The following KRT15 variants were observed in gnomAD, a reference collection of about 807,000 sequenced individuals.
KRT15 encodes keratin, type I cytoskeletal 15.
KRT15 carries 45 observed loss-of-function variants against 46.6 expected under a neutral mutation model. That is an observed-to-expected ratio of 0.97 (90% CI 0.76 to 1.24). The LOEUF is 1.24. Among genes scored for constraint, KRT15 ranks in the 50% most tolerant of loss-of-function variants. The pLI, the probability that KRT15 is intolerant of heterozygous loss-of-function variation, is 0.00. For synonymous variants in KRT15, 221 were observed against 233.8 expected, an observed-to-expected ratio of 0.95 and a Z score of 0.50; for missense variants, 592 against 588.9, an observed-to-expected ratio of 1.01 and a Z score of -0.05.
At chr17:41,514,937 GC>G (rs1342548963) in intron 6 of KRT15, 1 of 389,636 alleles carries the variant, frequency 2.6e-6, no homozygotes, top group Admixed American at 4.2e-5. Flanking sequence ...CACGATCTCA[GC>G]CCACTGAAAC....
chr17:41,515,244 C>T (rs1905295225), intron 6 of KRT15: 1 of 574,726 alleles, frequency 1.7e-6, no homozygotes, highest in African/African-American at 1.9e-5. Flanking sequence ...ACCACTAGCC[C>T]AGCCTCTATC....
Position 41,518,566 on chromosome 17 carries a change from C to T in KRT15, c.262G>A (p.Gly88Ser). The change falls in exon 1 of 8, where the codon GGT becomes AGT. Residue 88 changes from glycine to serine, a missense_variant. Gly to Ser is a moderately conservative substitution (Grantham distance 56). Coordinates refer to ENST00000254043, the MANE Select transcript of KRT15 (RefSeq NM_002275.4). ...GGGFGGGVGG[G>S]FGGGFGGGDG... ...CCACCACCAAAGCCACCACCAAAAC[C>T]CCCACCAACGCCCCCTCCAAAGCCT... 1 of 1,613,762 alleles carries T rather than the reference C, an allele frequency of 6.2e-7. No homozygotes were observed. Among genetic ancestry groups the T allele is most frequent in the Non-Finnish European group, 8.5e-7 (1 of 1,179,960 alleles).
chr17:41,515,413 C>G (rs1376842678), intron 6 of KRT15, 59 bp downstream of exon 6: 7 of 1,466,814 alleles, frequency 4.8e-6, no homozygotes, highest in Non-Finnish European at 6.6e-6. Flanking sequence ...CTTAGGATGA[C>G]CCTGCACCCT....
chr17:41,515,391 C>T, intron 6 of KRT15, 81 bp downstream of exon 6: 2 of 1,235,062 alleles, frequency 1.6e-6, no homozygotes, highest in Non-Finnish European at 2.3e-6. Context: ...CTTAGGGACA[C>T]CCTGCCATTC....
At position 41,518,530 on chromosome 17, in the gene KRT15, GACCACCATCGCC is replaced by G. The variant is rs1567719752; in HGVS notation, c.286_297del (p.Gly96_Gly99del). ...GTAATTTTCTCATTGCCAGAGAGGA[GACCACCATCGCC>G]ACCACCAAAGCCACCACCAAAACCC... On this transcript the variant is annotated inframe_deletion, in exon 1 of 8. Transcript: ENST00000254043. The G allele has an allele frequency of 5.0e-6, 8 of 1,613,914 alleles. No individual in the cohort carries two copies. In the South Asian group the frequency reaches 8.8e-5, roughly 18 times the overall value.
In KRT15 at chr17:41,516,274, T is replaced by C; in HGVS notation, c.739-9A>G. ...CTGAACTCCTTCATCTCCTGCAGGA[T>C]GGGAGGGACCCACTTAGAGACGGAG... On this transcript the variant is annotated splice_polypyrimidine_tract_variant and intron_variant, in intron 3 of 7. Coordinates refer to ENST00000254043, the MANE Select transcript of KRT15 (RefSeq NM_002275.4). The C allele has an allele frequency of 3.7e-6, 6 of 1,610,690 alleles. No homozygotes were observed. In the South Asian group the frequency reaches 5.5e-5, roughly 15 times the overall value.
chr17:41,515,114 G>A (rs942615725), intron 6 of KRT15: 12 of 317,918 alleles, frequency 3.8e-5, no homozygotes, highest in South Asian at 1.7e-4. Context: ...TGATCCACCC[G>A]CCTTGGACTC....
In KRT15 at chr17:41,518,437, C is replaced by T; in HGVS notation, c.391G>A (p.Ala131Thr). The T allele has an allele frequency of 6.2e-7, 1 of 1,614,102 alleles. No individual in the cohort carries two copies. The highest frequency in any genetic ancestry group is 8.5e-7 in the Non-Finnish European group (1 of 1,180,022). Reference protein sequence around the residue: ...DKVRALEEANADLEVKIHDWY... With the variant: ...DKVRALEEANTDLEVKIHDWY... ...TCATGGATCTTCACCTCCAGGTCAG[C>T]ATTGGCCTCCTCCAGGGCACGTACC... The change falls in exon 1 of 8, where the codon GCT becomes ACT. Residue 131 changes from alanine (A) to threonine (T), a missense_variant. Ala to Thr is a moderately conservative substitution (Grantham distance 58). Transcript: ENST00000254043.
In KRT15 at chr17:41,514,137, T is replaced by C. The variant is rs770902579; in HGVS notation, c.1274-17A>G. On this transcript the variant is annotated splice_polypyrimidine_tract_variant and intron_variant, in intron 7 of 7. Coordinates refer to ENST00000254043, the MANE Select transcript of KRT15 (RefSeq NM_002275.4). ...CTGAAGAGGCTAGAGAGAGAAGGAG[T>C]AGGCTTTAGAGTGGGGGAACCTCCC... 1.2e-6 allele frequency: 2 copies of C among 1,604,212 alleles called. No individual in the cohort carries two copies. Among genetic ancestry groups the C allele is most frequent in the Non-Finnish European group, 1.7e-6 (2 of 1,171,288 alleles).
intron 7 of KRT15, 169 bp from the exon 8 acceptor site, chr17:41,514,289 A>T (rs1037967113): frequency 3.5e-5 from 22 of 625,736 alleles, no homozygotes; most frequent in Non-Finnish European, 6.0e-5. Context: ...CATCACAGAG[A>T]TGGGCAGTGG....
Position 41,515,626 on chromosome 17 carries a change from G to A in KRT15, c.1093C>T (p.Gln365Ter). ...GCCTCCAGGCCACCAATGAGCCCCT[G>A]GATCTGCTGCAGCTGCGTGGCATAG... ...CRYATQLQQI[Q>*]GLIGGLEAQL... Residue 365 changes from glutamine (Q) to a stop codon, truncating the protein, a stop_gained, in exon 6 of 8, where the codon CAG becomes TAG. Coordinates refer to ENST00000254043, the MANE Select transcript of KRT15 (RefSeq NM_002275.4). LOFTEE classifies it high-confidence loss of function. The A allele has an allele frequency of 6.2e-7, 1 of 1,614,180 alleles. No homozygotes were observed. The highest frequency in any genetic ancestry group is 1.1e-5 in the South Asian group (1 of 91,082).
chr17:41,517,268 A>T, intron 1 of KRT15, 103 bp from the exon 2 acceptor site: 3 of 980,926 alleles, frequency 3.1e-6, no homozygotes, highest in Non-Finnish European at 4.7e-6. Context: ...CCCCTCACTG[A>T]CAATCACCCC....
intron 3 of KRT15, 69 bp from the exon 4 acceptor site, chr17:41,516,334 A>G: frequency 6.6e-7 from 1 of 1,516,820 alleles, no homozygotes; most frequent in Non-Finnish European, 8.9e-7. Flanking sequence ...GGCGTCACAC[A>G]TGCCAATCCT....
intron 1 of KRT15, chr17:41,517,474 G>A (rs560441093): frequency 5.0e-6 from 2 of 403,254 alleles, no homozygotes; most frequent in African/African-American, 2.0e-5. Context: ...GAGTGGGGCA[G>A]TGGGGTGCAG....
chr17:41,516,753 G>C, intron 3 of KRT15, 55 bp downstream of exon 3: 2 of 1,593,796 alleles, frequency 1.3e-6, no homozygotes, highest in Non-Finnish European at 1.7e-6. Flanking sequence ...AGTGAGTTTT[G>C]GGAAGAGGTT....
rs1597775007 is a variant in KRT15, at chr17:41,517,149, A to C, written c.515T>G (p.Ile172Ser). 1 of 1,614,106 alleles carries C rather than the reference A, an allele frequency of 6.2e-7. No homozygotes were observed. The highest frequency in any genetic ancestry group is 8.5e-7 in the Non-Finnish European group (1 of 1,180,000). Residue 172 changes from isoleucine (I) to serine (S), a missense_variant, in exon 2 of 8, where the codon ATC (isoleucine) becomes AGC (serine). Coordinates refer to ENST00000254043, the MANE Select transcript of KRT15 (RefSeq NM_002275.4). ...CTCCAGGATGACCCGGGAGTTGTCG[A>C]TGGTGGTGGCCATGATCTGCAGGAG... Reference protein sequence around the residue: ...ELRDKIMATTIDNSRVILEID... With the variant: ...ELRDKIMATTSDNSRVILEID...
chr17:41,516,734 G>C, intron 3 of KRT15, 74 bp downstream of exon 3: 1 of 1,561,774 alleles, frequency 6.4e-7, no homozygotes, highest in Non-Finnish European at 8.8e-7. Flanking sequence ...TTTCCCTCTG[G>C]GCAATTTAAG....
At chr17:41,514,418 A>G (rs1905261787) in intron 7 of KRT15, 4 of 600,378 alleles carry the variant, frequency 6.7e-6, no homozygotes, top group Non-Finnish European at 1.2e-5. Context: ...TGGGGGAGAG[A>G]CATGCCCTGA....
At position 41,514,640 on chromosome 17, in the gene KRT15, C is replaced by A. The variant is rs1905271627; in HGVS notation, c.1273+9G>T. On this transcript the variant is annotated intron_variant, in intron 7 of 7. Transcript: ENST00000254043. Reference sequence around the variant, plus strand: ...CCCACCCCACACCAGAAGAGTAAAGCCTTCCTACCTTCCCTGATGGCAATG... The same window carrying A: ...CCCACCCCACACCAGAAGAGTAAAGACTTCCTACCTTCCCTGATGGCAATG... The A allele has an allele frequency of 6.2e-7, 1 of 1,613,288 alleles. No individual in the cohort carries two copies. Among genetic ancestry groups the A allele is most frequent in the Non-Finnish European group, 8.5e-7 (1 of 1,179,348 alleles).
Sources: allele counts gnomAD v4.1 joint callset, GRCh38; gene constraint gnomAD v4.1.1; transcripts MANE v1.5; gene names NCBI Gene and HGNC (gene_info 2026-07-23, HGNC 2026-07-21).